The following GRIN3B variants were observed in gnomAD, a reference collection of about 807,000 sequenced individuals.
GRIN3B encodes the protein glutamate ionotropic receptor NMDA type subunit 3B.
Under a neutral mutation model 66.0 loss-of-function variants are expected in GRIN3B, and 77 were observed. The observed-to-expected ratio is 1.17, with a 90% CI of 0.97 to 1.41. The LOEUF is 1.41. Ranked by LOEUF, GRIN3B falls within the 40% of genes most tolerant of loss-of-function variation. GRIN3B has a pLI of 0.00. For missense variants in GRIN3B, 1,787 were observed against 1,564.5 expected, an observed-to-expected ratio of 1.14 and a Z score of -2.40; for synonymous variants, 823 against 749.7, an observed-to-expected ratio of 1.10 and a Z score of -1.60.
chr19:1,008,725 G>A lies in GRIN3B; in HGVS notation c.2574G>A (p.Leu858=). 4.4e-6 allele frequency: 7 copies of A among 1,608,716 alleles called. No homozygotes were observed. Among genetic ancestry groups the A allele is most frequent in the Non-Finnish European group, 5.1e-6 (6 of 1,178,904 alleles). ...SSLGEHAFFR[L]ALPRIRKGSR... The stretch of plus-strand genomic sequence containing the variant: ...TGGGCGAGCACGCCTTCTTCCGCCT[G>A]GCGCTGCCGCGCATCCGCAAGGGGA... The change falls in exon 7 of 9, where the codon CTG becomes CTA. Residue 858 remains leucine (L), a synonymous_variant. Transcript: ENST00000234389.
intron 1 of GRIN3B, among the ~76,000 whole-genome samples, chr19:1,001,198 G>T (rs934693164): frequency 1.3e-5 from 2 of 152,034 alleles, no homozygotes; most frequent in Admixed American, 1.3e-4. Flanking sequence ...CCTTGCCCAG[G>T]CCCCTTCCCT....
rs1272869294 is a variant in GRIN3B at position 1,009,347 on chromosome 19, C to T, written c.2877C>T (p.Gly959=). The change falls in exon 9 of 9, where the codon GGC becomes GGT. Residue 959 remains glycine, a synonymous_variant. Transcript: ENST00000234389. The part of the protein sequence containing the change: ...DAEAEAAPRE[G]PVWLCSYGRP... ...AGGCGGAGGCTGCGCCGCGAGAGGG[C>T]CCCGTCTGGCTGTGCTCCTACGGCC... 5 of 1,391,802 alleles carry T rather than the reference C, an allele frequency of 3.6e-6. No individual in the cohort carries two copies. The highest frequency in any genetic ancestry group is 3.6e-5 in the Admixed American group (1 of 27,788). 86.2% of individuals were successfully genotyped at this position (1,391,802 alleles called of 1,614,324 possible).
chr19:1,000,685 AC>A lies in GRIN3B; in HGVS notation c.252del (p.Ala85ProfsTer3). 2.2e-6 allele frequency: 3 copies of A among 1,357,016 alleles called. No homozygotes were observed. Among genetic ancestry groups the A allele is most frequent in the South Asian group, 1.7e-5 (1 of 59,016 alleles). The allele number at this position is 1,357,016 out of a possible 1,614,324, so 84.1% of individuals were successfully genotyped here. The stretch of plus-strand genomic sequence containing the variant: ...GTGGTCGCCGCGCCCCCCGCCCGCG[AC>A]CCCGCCTCGCTGACCCGCGGCCTGT... Reference protein sequence around the residue: ...ELVVAAPPARDPASLTRGLCQ... With the variant: ...ELVVAAPPARXPASLTRGLCQ... On this transcript the variant is annotated frameshift_variant, in exon 1 of 9. Coordinates refer to ENST00000234389, the MANE Select transcript of GRIN3B (RefSeq NM_138690.3). LOFTEE classifies it high-confidence loss of function.
chr19:1,000,736 T>C lies in GRIN3B; in HGVS notation c.299T>C (p.Val100Ala). The C allele has an allele frequency of 7.0e-7, 1 of 1,436,720 alleles. No individual in the cohort carries two copies. The highest frequency in any genetic ancestry group is 9.1e-7 in the Non-Finnish European group (1 of 1,099,280). The allele number at this position is 1,436,720 out of a possible 1,614,324, so 89.0% of individuals were successfully genotyped here. ...TGCCAGGCGCTGGTGCCTCCGGGCGTGGCGGCCCTGCTCGCCTTTCCCGAG... is the reference window on the plus strand; with the variant it reads ...TGCCAGGCGCTGGTGCCTCCGGGCGCGGCGGCCCTGCTCGCCTTTCCCGAG... ...GLCQALVPPG[V>A]AALLAFPEAR... is the part of the protein sequence containing the mutation. The change falls in exon 1 of 9, where the codon GTG becomes GCG. Residue 100 changes from valine to alanine, a missense_variant. Val to Ala is a moderately conservative substitution (Grantham distance 64). Transcript: ENST00000234389.
At position 1,005,201 on chromosome 19, in the gene GRIN3B, G is replaced by C; in HGVS notation, c.1700G>C (p.Gly567Ala). Residue 567 changes from glycine to alanine, a missense_variant, in exon 3 of 9, where the codon GGT (glycine) becomes GCT (alanine). By Grantham distance (60) the Gly-to-Ala change is moderately conservative. Transcript: ENST00000234389. The surrounding 1 kb of genome is among the most constrained non-coding windows in gnomAD (Gnocchi z 5.2). Reference protein sequence around the residue: ...VRARDTASPIGAFMWPLHWST... With the variant: ...VRARDTASPIAAFMWPLHWST... ...GCACGGGACACGGCCTCACCCATCGGTGCCTTTATGTGGCCCCTGCACTGG... is the reference window on the plus strand; with the variant it reads ...GCACGGGACACGGCCTCACCCATCGCTGCCTTTATGTGGCCCCTGCACTGG... The C allele has an allele frequency of 6.2e-7, 1 of 1,613,526 alleles. No individual in the cohort carries two copies. Among genetic ancestry groups the C allele is most frequent in the Non-Finnish European group, 8.5e-7 (1 of 1,179,934 alleles).
In GRIN3B at chr19:1,003,203, A is replaced by G; in HGVS notation, c.500A>G (p.Gln167Arg). The G allele has an allele frequency of 6.5e-7, 1 of 1,538,012 alleles. No homozygotes were observed. Reference protein sequence around the residue: ...TLLDVLVAVLQAHAWEDVGLA... With the variant: ...TLLDVLVAVLRAHAWEDVGLA... ...CTGGATGTGCTGGTGGCGGTGCTGCAGGCGCACGCCTGGGAAGACGTCGGC... is the reference window on the plus strand; with the variant it reads ...CTGGATGTGCTGGTGGCGGTGCTGCGGGCGCACGCCTGGGAAGACGTCGGC... The change falls in exon 2 of 9, where the codon CAG becomes CGG. Residue 167 changes from glutamine (Q) to arginine (R), a missense_variant. By Grantham distance (43) the Gln-to-Arg change is conservative. Coordinates refer to ENST00000234389, the MANE Select transcript of GRIN3B (RefSeq NM_138690.3).
Position 1,003,225 on chromosome 19 carries a change from C to T in GRIN3B, c.522C>T (p.Val174=), listed in dbSNP as rs770941145. 11 of 1,570,246 alleles carry T rather than the reference C, an allele frequency of 7.0e-6. No individual in the cohort carries two copies. Among genetic ancestry groups the T allele is most frequent in the Middle Eastern group, 1.7e-4 (1 of 5,786 alleles). ...TGCAGGCGCACGCCTGGGAAGACGTCGGCCTGGCCCTGTGCCGCACTCAGG... is the reference window on the plus strand; with the variant it reads ...TGCAGGCGCACGCCTGGGAAGACGTTGGCCTGGCCCTGTGCCGCACTCAGG... The part of the protein sequence containing the change: ...AVLQAHAWED[V]GLALCRTQDP... Residue 174 remains valine (V), a synonymous_variant, in exon 2 of 9, where the codon GTC becomes GTT. Coordinates refer to ENST00000234389, the MANE Select transcript of GRIN3B (RefSeq NM_138690.3).
At position 1,005,554 on chromosome 19, in the gene GRIN3B, G is replaced by T. The variant is rs1218647838; in HGVS notation, c.2052+1G>T. 1.1e-5 allele frequency: 18 copies of T among 1,582,030 alleles called. No homozygotes were observed. Among genetic ancestry groups the T allele is most frequent in the Non-Finnish European group, 1.5e-5 (18 of 1,161,762 alleles). ...GCTGTCGGGGATCCACGACCCCAAG[G>T]TGGGCGGCCTCGGGGGGCTGCGGGT... On this transcript the variant is annotated splice_donor_variant, in intron 3 of 8. Coordinates refer to ENST00000234389, the MANE Select transcript of GRIN3B (RefSeq NM_138690.3). LOFTEE classifies it high-confidence loss of function. This position sits in a 1 kb window ranked among gnomAD's most constrained non-coding sequence, Gnocchi z 5.2.
In GRIN3B at chr19:1,003,365, C is replaced by T. The variant is rs774061149; in HGVS notation, c.662C>T (p.Pro221Leu). ...GCAGGACTGCGGGCACGCCTGGCCC[C>T]GATGGCGGCGCCAGTGGGGGGTGAA... ...GDAGLRARLAPMAAPVGGEAP... is the reference protein window; with the variant it reads ...GDAGLRARLALMAAPVGGEAP... The change falls in exon 2 of 9, where the codon CCG becomes CTG. Residue 221 changes from proline to leucine, a missense_variant. By Grantham distance (98) the Pro-to-Leu change is moderately conservative (BLOSUM62 -3). Transcript: ENST00000234389. 19 of 1,573,232 alleles carry T rather than the reference C, an allele frequency of 1.2e-5. No individual in the cohort carries two copies. The highest frequency in any genetic ancestry group is 1.1e-4 in the Admixed American group (6 of 54,478).
chr19:1,009,175 G>C lies in GRIN3B; in HGVS notation c.2705G>C (p.Gly902Ala), dbSNP rs762900281. The C allele has an allele frequency of 6.8e-7, 1 of 1,469,870 alleles. No individual in the cohort carries two copies. Among genetic ancestry groups the C allele is most frequent in the Admixed American group, 2.6e-5 (1 of 38,906 alleles). The allele number at this position is 1,469,870 out of a possible 1,614,324, so 91.1% of individuals were successfully genotyped here. A position where few individuals can be genotyped will look rare whatever the true frequency, so the allele number is the denominator to read the frequency against. Residue 902 changes from glycine (G) to alanine (A), a missense_variant and splice_region_variant, in exon 9 of 9, where the codon GGC becomes GCC. Coordinates refer to ENST00000234389, the MANE Select transcript of GRIN3B (RefSeq NM_138690.3). ...GACCAGGCCGGTTCCGTCCCCAGCGGCCCCGAGGTGGAGCAGCAGCAGCAG... is the reference window on the plus strand; with the variant it reads ...GACCAGGCCGGTTCCGTCCCCAGCGCCCCCGAGGTGGAGCAGCAGCAGCAG... ...KEETAEAEPS[G>A]PEVEQQQQQQ...
chr19:1,004,428 C>T (rs373469457), intron 2 of GRIN3B, 93 bp from the exon 3 acceptor site: 18 of 1,110,698 alleles, frequency 1.6e-5, no homozygotes, highest in East Asian at 7.7e-5. Flanking sequence ...CGGACAAGAG[C>T]GACCAGTGGG....
chr19:1,005,330 G>A lies in GRIN3B; in HGVS notation c.1829G>A (p.Arg610His), dbSNP rs78360368. The change falls in exon 3 of 9, where the codon CGC becomes CAC. Residue 610 changes from arginine (R) to histidine (H), a missense_variant. Coordinates refer to ENST00000234389, the MANE Select transcript of GRIN3B (RefSeq NM_138690.3). The surrounding 1 kb of genome is among the most constrained non-coding windows in gnomAD (Gnocchi z 5.2). ...PYGLTPRGRN[R>H]STVFSYSSAL... ...GGCCTCACGCCACGTGGCCGCAACC[G>A]CAGCACCGTCTTCTCCTACTCCTCA... is the stretch of plus-strand genomic sequence containing the variant. The A allele has an allele frequency of 7.3e-5, 117 of 1,613,760 alleles. No individual in the cohort carries two copies. The East Asian group carries it at 1.6e-3, about 22-fold the overall frequency.
rs1284131626 is a variant in GRIN3B at position 1,000,685 on chromosome 19, A to T, written c.248A>T (p.Asp83Val). 1 of 1,357,028 alleles carries T rather than the reference A, an allele frequency of 7.4e-7. No homozygotes were observed. Among genetic ancestry groups the T allele is most frequent in the Non-Finnish European group, 9.5e-7 (1 of 1,052,712 alleles). The allele number at this position is 1,357,028 out of a possible 1,614,324, so 84.1% of individuals were successfully genotyped here. A position where few individuals can be genotyped will look rare whatever the true frequency, so the allele number is the denominator to read the frequency against. ...ELVVAAPPAR[D>V]PASLTRGLCQ... ...GTGGTCGCCGCGCCCCCCGCCCGCG[A>T]CCCCGCCTCGCTGACCCGCGGCCTG... Residue 83 changes from aspartate (D) to valine (V), a missense_variant, in exon 1 of 9, where the codon GAC becomes GTC. Coordinates refer to ENST00000234389, the MANE Select transcript of GRIN3B (RefSeq NM_138690.3).
chr19:1,009,602 A>T lies in GRIN3B; in HGVS notation c.3132A>T (p.Ter1044CysextTer16). 7.0e-7 allele frequency: 1 copy of T among 1,430,608 alleles called. No individual in the cohort carries two copies. Among genetic ancestry groups the T allele is most frequent in the African/African-American group, 1.5e-5 (1 of 67,100 alleles). The allele number at this position is 1,430,608 out of a possible 1,614,324, so 88.6% of individuals were successfully genotyped here. ...CTGGCCGACCGGGGAGCCAGGAATG[A>T]GGCGGCAGCCGGGCCGTTTGGGCTC... ...PHSGRPGSQE[*>C] The change falls in exon 9 of 9, where the codon TGA becomes TGT. Residue 1044 changes from the stop codon to cysteine, a stop_lost. Coordinates refer to ENST00000234389, the MANE Select transcript of GRIN3B (RefSeq NM_138690.3).
At chr19:1,009,025 G>C (rs2038802404) in intron 8 of GRIN3B, 98 bp downstream of exon 8, 1 of 1,484,524 alleles carries the variant, frequency 6.7e-7, no homozygotes, top group Admixed American at 2.1e-5. Context: ...GGAGGTTCCC[G>C]GAGGTCCCCC....
In GRIN3B at chr19:1,005,515, A is replaced by G; in HGVS notation, c.2014A>G (p.Lys672Glu). 1.2e-6 allele frequency: 2 copies of G among 1,611,928 alleles called. No individual in the cohort carries two copies. Among genetic ancestry groups the G allele is most frequent in the Non-Finnish European group, 1.7e-6 (2 of 1,179,180 alleles). Residue 672 changes from lysine (K) to glutamate (E), a missense_variant, in exon 3 of 9, where the codon AAG (lysine) becomes GAG (glutamate). Coordinates refer to ENST00000234389, the MANE Select transcript of GRIN3B (RefSeq NM_138690.3). This position sits in a 1 kb window ranked among gnomAD's most constrained non-coding sequence, Gnocchi z 5.2. Reference protein sequence around the residue: ...ANLAAVMVGDKTFEELSGIHD... With the variant: ...ANLAAVMVGDETFEELSGIHD... ...CCTGGCTGCCGTCATGGTCGGGGAC[A>G]AGACCTTCGAGGAGCTGTCGGGGAT...
intron 6 of GRIN3B, among the ~76,000 whole-genome samples, 157 bp downstream of exon 6, chr19:1,008,448 C>T (rs2038786832): frequency 6.6e-6 from 1 of 152,128 alleles, no homozygotes; most frequent in Non-Finnish European, 1.5e-5. Flanking sequence ...GCTGCAGTGC[C>T]CCTTCCTCCA....
chr19:1,008,926 A>C lies in GRIN3B; in HGVS notation c.2701A>C (p.Ser901Arg). ...GGAGGAGACGGCAGAGGCGGAGCCC[A>C]GGTAAGTGGTGGTCGGGGCGGACCA... ...SKEETAEAEP[S>R]GPEVEQQQQQ... Residue 901 changes from serine to arginine, a missense_variant and splice_region_variant, in exon 8 of 9, where the codon AGC becomes CGC. By Grantham distance (110) the Ser-to-Arg change is moderately radical. Transcript: ENST00000234389. 2.5e-6 allele frequency: 4 copies of C among 1,606,694 alleles called. No homozygotes were observed. Among genetic ancestry groups the C allele is most frequent in the Non-Finnish European group, 3.4e-6 (4 of 1,177,374 alleles).
chr19:1,009,382 C>T lies in GRIN3B; in HGVS notation c.2912C>T (p.Ala971Val). The change falls in exon 9 of 9, where the codon GCC (alanine) becomes GTC (valine). Residue 971 changes from alanine to valine, a missense_variant. Physicochemically the swap from Ala to Val is moderately conservative, Grantham distance 64. Transcript: ENST00000234389. ...VWLCSYGRPP[A>V]ARPTGAPQPG... ...CTGTGCTCCTACGGCCGCCCGCCCGCCGCAAGGCCCACGGGGGCCCCCCAG... is the reference window on the plus strand; with the variant it reads ...CTGTGCTCCTACGGCCGCCCGCCCGTCGCAAGGCCCACGGGGGCCCCCCAG... 7.2e-7 allele frequency: 1 copy of T among 1,386,152 alleles called. No homozygotes were observed. The highest frequency in any genetic ancestry group is 1.5e-5 in the African/African-American group (1 of 65,196). The allele number at this position is 1,386,152 out of a possible 1,614,324, so 85.9% of individuals were successfully genotyped here. A position where few individuals can be genotyped will look rare whatever the true frequency, so the allele number is the denominator to read the frequency against.
Sources: allele counts gnomAD v4.1 joint callset (sites outside exome capture counted in the v4.1 genomes callset), GRCh38; gene constraint gnomAD v4.1.1; non-coding constraint Gnocchi (gnomAD v3.1); transcripts MANE v1.5; gene names NCBI Gene and HGNC (gene_info 2026-07-23, HGNC 2026-07-21).